The following LRP1B variants were observed in gnomAD, a reference collection of about 807,000 sequenced individuals.
The protein encoded by LRP1B is LDL receptor related protein 1B.
LRP1B carries 217 observed loss-of-function variants against 556.6 expected under a neutral mutation model. The ratio of observed to expected loss-of-function variants is 0.39; its 90% CI spans 0.35 to 0.44. The LOEUF is 0.44. Ranked by LOEUF, LRP1B falls within the 20% of genes least tolerant of loss-of-function variation. LRP1B has a pLI of 1.00. For synonymous variants in LRP1B, 2,047 were observed against 1,865.8 expected, an observed-to-expected ratio of 1.10 and a Z score of -2.50; for missense variants, 5,053 against 5,620.8, an observed-to-expected ratio of 0.90 and a Z score of 3.23.
chr2:140,723,254 G>A (rs1205427825), intron 35 of LRP1B, among the ~76,000 whole-genome samples: 1 of 152,046 alleles, frequency 6.6e-6, no homozygotes, highest in Non-Finnish European at 1.5e-5. Context: ...GAGAATCTGG[G>A]AGGAAAAATA....
At chr2:141,634,952 T>C (rs1279416598) in intron 2 of LRP1B, among the ~76,000 whole-genome samples, 1 of 151,940 alleles carries the variant, frequency 6.6e-6, no homozygotes, top group African/African-American at 2.4e-5. Flanking sequence ...CATTTTATTA[T>C]ACTGACAGTT....
At chr2:140,314,144 G>C (rs1684420891) in intron 83 of LRP1B, among the ~76,000 whole-genome samples, 1 of 151,804 alleles carries the variant, frequency 6.6e-6, no homozygotes, top group African/African-American at 2.4e-5. Context: ...AAATAATATA[G>C]AATTTTCCAT....
chr2:141,851,688 T>A (rs561527814), intron 1 of LRP1B, among the ~76,000 whole-genome samples: 2 of 151,492 alleles, frequency 1.3e-5, no homozygotes, highest in African/African-American at 4.8e-5. Flanking sequence ...TGGACAGGAG[T>A]TTGTTATTGT....
intron 2 of LRP1B, among the ~76,000 whole-genome samples, chr2:141,761,359 C>CAAAAAA (rs11355588): frequency 1.3e-5 from 2 of 148,254 alleles, no homozygotes; most frequent in African/African-American, 5.0e-5. Context: ...AATCCTAAGT[C>CAAAAAA]AAAAAAAAAA....
At chr2:141,500,488 C>A (rs1199004075) in intron 2 of LRP1B, among the ~76,000 whole-genome samples, 1 of 151,986 alleles carries the variant, frequency 6.6e-6, no homozygotes, top group Non-Finnish European at 1.5e-5. Flanking sequence ...GTACTAGGTA[C>A]CATATGTTTA....
At chr2:141,645,469 CT>C (rs750147915) in intron 2 of LRP1B, among the ~76,000 whole-genome samples, 10,442 of 48,736 alleles carry the variant, frequency 0.21, 352 homozygotes, top group East Asian at 0.35. Context: ...GAAGACAAGG[CT>C]TTTTTTTTTT....
intron 18 of LRP1B, among the ~76,000 whole-genome samples, chr2:140,960,705 G>T (rs946587548): frequency 6.6e-6 from 1 of 151,796 alleles, no homozygotes; most frequent in Admixed American, 6.6e-5. Flanking sequence ...AAAGTACTTT[G>T]TCCTTATTTG....
At chr2:141,870,203 GTCTC>G (rs1355907921) in intron 1 of LRP1B, among the ~76,000 whole-genome samples, 1 of 151,854 alleles carries the variant, frequency 6.6e-6, no homozygotes, top group Non-Finnish European at 1.5e-5. Context: ...CTCAGACTCA[GTCTC>G]TCTGTCTTGT....
intron 3 of LRP1B, among the ~76,000 whole-genome samples, chr2:141,306,100 G>A (rs986571145): frequency 2.0e-5 from 3 of 151,876 alleles, no homozygotes; most frequent in Non-Finnish European, 2.9e-5. Flanking sequence ...TGCTAGCTTC[G>A]AAAAATAAGT....
intron 2 of LRP1B, among the ~76,000 whole-genome samples, chr2:141,650,320 A>G (rs576068494): frequency 2.0e-5 from 3 of 152,300 alleles, no homozygotes; most frequent in Middle Eastern, 3.4e-3. Flanking sequence ...CTTTGTGAGT[A>G]TGGTTTTTCT....
chr2:140,698,402 A>T lies in LRP1B; in HGVS notation c.6799+1848T>A, dbSNP rs1355058916. ...ATTTATCAATGTTTTTAAAGTTAGA[A>T]TAATGCAACAATTGCGTTCATCTAA... On this transcript the variant is annotated intron_variant, in intron 41 of 90. Transcript: ENST00000389484. 3.9e-5 allele frequency among the ~76,000 whole-genome samples: 6 copies of T among 152,146 alleles called. No homozygotes were observed. The East Asian group carries it at 1.2e-3, about 29-fold the overall frequency.
At chr2:140,851,083 A>G (rs1333132096) in intron 28 of LRP1B, among the ~76,000 whole-genome samples, 1 of 152,150 alleles carries the variant, frequency 6.6e-6, no homozygotes, top group African/African-American at 2.4e-5. Context: ...TATTTTGCAA[A>G]TAAATAAAAT....
intron 1 of LRP1B, among the ~76,000 whole-genome samples, chr2:141,847,512 T>G (rs1036975532): frequency 6.6e-6 from 1 of 151,526 alleles, no homozygotes; most frequent in African/African-American, 2.4e-5. Flanking sequence ...ATAACAAAAA[T>G]TGATTATTTT....
At chr2:141,039,402 GA>G (rs201415616) in intron 11 of LRP1B, among the ~76,000 whole-genome samples, 2 of 151,922 alleles carry the variant, frequency 1.3e-5, no homozygotes, top group East Asian at 3.9e-4. Context: ...GTGTGCATAA[GA>G]AAAAACATGG....
At chr2:141,043,239 CAAATAAAT>C (rs35742829) in intron 11 of LRP1B, among the ~76,000 whole-genome samples, 2 of 147,362 alleles carry the variant, frequency 1.4e-5, no homozygotes, top group South Asian at 2.1e-4. Context: ...AATAAATAAA[CAAATAAAT>C]AAATAAATAA....
intron 7 of LRP1B, among the ~76,000 whole-genome samples, chr2:141,115,686 G>A (rs571782998): frequency 6.7e-4 from 101 of 151,282 alleles, no homozygotes; most frequent in African/African-American, 2.4e-3. Context: ...TTTTTGCCGT[G>A]TTAGCCAGGA....
At chr2:141,924,075 C>G (rs1377912211) in intron 1 of LRP1B, among the ~76,000 whole-genome samples, 1 of 151,998 alleles carries the variant, frequency 6.6e-6, no homozygotes, top group East Asian at 1.9e-4. Context: ...TAAGTGGGAA[C>G]AGGCATTTCT....
chr2:141,233,385 A>G (rs1340272042), intron 5 of LRP1B, among the ~76,000 whole-genome samples: 1 of 152,052 alleles, frequency 6.6e-6, no homozygotes, highest in Non-Finnish European at 1.5e-5. Flanking sequence ...ACCTAAAAAC[A>G]TTTCTCTCTC....
At chr2:141,380,084 C>T (rs532340059) in intron 3 of LRP1B, among the ~76,000 whole-genome samples, 2 of 152,222 alleles carry the variant, frequency 1.3e-5, no homozygotes, top group East Asian at 1.9e-4. Flanking sequence ...GTTTGAGGGT[C>T]CAGCTTTTAA....
Sources: gnomAD v4.1 joint callset for allele counts (sites outside exome capture counted in the v4.1 genomes callset) on GRCh38, gnomAD v4.1.1 for gene constraint, MANE v1.5 for transcripts, NCBI Gene and HGNC (gene_info 2026-07-23, HGNC 2026-07-21) for gene names.